NDE1: variants seen among roughly 807,000 people sequenced by gnomAD.
NDE1 encodes nuclear distribution protein nudE homolog 1.
In NDE1, 28 loss-of-function variants were observed where a neutral mutation model predicts 43.4. That is an observed-to-expected ratio of 0.65 (90% CI 0.48 to 0.89). NDE1 has a LOEUF of 0.89. NDE1 is among the 40% of genes least tolerant of loss of function. The pLI is 0.00. For synonymous variants in NDE1, 184 were observed against 172.0 expected (o/e 1.07, Z -0.55); for missense variants, 441 against 434.1 (o/e 1.02, Z -0.14).
At chr16:15,679,508 G>T (rs2038064797) in intron 4 of NDE1, among the ~76,000 whole-genome samples, 1 of 151,992 alleles carries the variant, frequency 6.6e-6, no homozygotes, top group Admixed American at 6.6e-5. Flanking sequence ...TCTCCAATCT[G>T]CCATTATAGC....
chr16:15,696,386 C>CAAA (rs5815840), intron 7 of NDE1, among the ~76,000 whole-genome samples: 1 of 145,776 alleles, frequency 6.9e-6, no homozygotes, highest in Non-Finnish European at 1.5e-5. Context: ...AAAAACAAAA[C>CAAA]AAAAAAAAAA....
chr16:15,671,965 G>A (rs2037617203), intron 3 of NDE1, among the ~76,000 whole-genome samples: 1 of 152,034 alleles, frequency 6.6e-6, no homozygotes, highest in Non-Finnish European at 1.5e-5. Context: ...TGGGATTACA[G>A]GTGTGAGCCA....
chr16:15,719,327 G>A, intron 8 of NDE1: 1 of 1,607,986 alleles, frequency 6.2e-7, no homozygotes, highest in South Asian at 1.1e-5. Flanking sequence ...GAGGGAGGAA[G>A]GCTGTTGTCT....
Position 15,725,006 on chromosome 16 carries a change from G to T in NDE1, c.*755G>T, listed in dbSNP as rs763714252. 43 of 1,611,902 alleles carry T rather than the reference G, an allele frequency of 2.7e-5. 1 individual carries two copies. In the South Asian group the frequency reaches 4.7e-4, roughly 18 times the overall value. On this transcript the variant is annotated 3_prime_UTR_variant, in exon 9 of 9. Transcript: ENST00000396354. ...CTCAACTTCATTCTAAGGGTGCCAAGAGACTGGTTAGTCAAAGCCTCTAGA... is the reference window on the plus strand; with the variant it reads ...CTCAACTTCATTCTAAGGGTGCCAATAGACTGGTTAGTCAAAGCCTCTAGA...
At chr16:15,720,937 G>A in intron 8 of NDE1, 1 of 1,613,994 alleles carries the variant, frequency 6.2e-7, no homozygotes, top group Non-Finnish European at 8.5e-7. Context: ...TTGACTTCCA[G>A]CCGCAGTTTG....
At chr16:15,693,915 G>A (rs952553126) in intron 6 of NDE1, among the ~76,000 whole-genome samples, 1 of 152,144 alleles carries the variant, frequency 6.6e-6, no homozygotes, top group African/African-American at 2.4e-5. Context: ...ACTCCAGTCC[G>A]GGTGACAGAG....
At chr16:15,653,399 T>G (rs547730709) in intron 1 of NDE1, among the ~76,000 whole-genome samples, 1 of 152,222 alleles carries the variant, frequency 6.6e-6, no homozygotes, top group Non-Finnish European at 1.5e-5. Context: ...ATGTCACTCC[T>G]GCAAAATGCA....
chr16:15,700,231 G>T, intron 8 of NDE1: 1 of 454,404 alleles, frequency 2.2e-6, no homozygotes, highest in Non-Finnish European at 2.9e-6. Context: ...CAGGTAGCTG[G>T]GATTACAGGC....
chr16:15,669,255 A>T (rs8063617), intron 3 of NDE1, among the ~76,000 whole-genome samples: 33,316 of 146,170 alleles, frequency 0.23, 4,136 homozygotes, highest in East Asian at 0.34. Context: ...GTGCAGTGGC[A>T]CAATCTCACC....
At chr16:15,714,410 C>T (rs1359571820) in intron 8 of NDE1, 2 of 190,058 alleles carry the variant, frequency 1.1e-5, no homozygotes, top group African/African-American at 4.7e-5. Context: ...ATGTAAGCAC[C>T]TGCTACTTTT....
At chr16:15,686,007 A>G (rs964277762) in intron 4 of NDE1, among the ~76,000 whole-genome samples, 5 of 149,864 alleles carry the variant, frequency 3.3e-5, no homozygotes, top group Admixed American at 6.7e-5. Context: ...GCTGGAGTGC[A>G]GTGGCATGAT....
At position 15,677,689 on chromosome 16, in the gene NDE1, T is replaced by C; in HGVS notation, c.238-112T>C. On this transcript the variant is annotated intron_variant, in intron 3 of 8. Coordinates refer to ENST00000396354, the MANE Select transcript of NDE1 (RefSeq NM_017668.3). Reference sequence around the variant, plus strand: ...GCCTCTAACTCCTGGGCTCAGGCAGTCCTCCCAGTTTAGCCTCCCGAGTAG... The same window carrying C: ...GCCTCTAACTCCTGGGCTCAGGCAGCCCTCCCAGTTTAGCCTCCCGAGTAG... 5.1e-6 allele frequency: 6 copies of C among 1,171,426 alleles called. No homozygotes were observed. The South Asian group carries it at 6.4e-5, about 12-fold the overall frequency. 72.6% of individuals were successfully genotyped at this position (1,171,426 alleles called of 1,614,324 possible). A position where few individuals can be genotyped will look rare whatever the true frequency, so the allele number is the denominator to read the frequency against.
At chr16:15,689,255 G>A (rs2038605447) in intron 5 of NDE1, among the ~76,000 whole-genome samples, 2 of 152,112 alleles carry the variant, frequency 1.3e-5, no homozygotes, top group African/African-American at 2.4e-5. Context: ...TTTGAGAGAC[G>A]GACGCAAGAG....
intron 8 of NDE1, chr16:15,703,807 G>T: frequency 1.3e-6 from 1 of 791,054 alleles, no homozygotes; most frequent in Non-Finnish European, 2.1e-6. Flanking sequence ...AGGCTGGAGG[G>T]TGGTGGTTTT....
In NDE1 at chr16:15,703,680, C is replaced by T; in HGVS notation, c.947+6820C>T. On this transcript the variant is annotated intron_variant, in intron 8 of 8. Transcript: ENST00000396354. The stretch of plus-strand genomic sequence containing the variant: ...TATAGCTCATTGCAGCCTCGAAGTC[C>T]TGGGCTGGAGCGTTCTTCCTGGCTC... The T allele has an allele frequency of 6.7e-6, 3 of 448,262 alleles. No individual in the cohort carries two copies. The East Asian group carries it at 1.2e-4, about 18-fold the overall frequency. The allele number at this position is 448,262 out of a possible 1,614,324, so 27.8% of individuals were successfully genotyped here.
At chr16:15,694,381 T>C in intron 7 of NDE1, 125 bp downstream of exon 7, 1 of 1,536,036 alleles carries the variant, frequency 6.5e-7, no homozygotes, top group Non-Finnish European at 8.7e-7. Flanking sequence ...GGTCTTGCTC[T>C]GTTGCTCAGG....
intron 1 of NDE1, 123 bp from the exon 2 acceptor site, chr16:15,664,613 C>T (rs1301665055): frequency 3.1e-6 from 2 of 651,486 alleles, no homozygotes; most frequent in African/African-American, 3.6e-5. Context: ...CCTCAGCCTC[C>T]CAAAGTGCTG....
At chr16:15,718,317 G>A in intron 8 of NDE1, 1 of 1,609,008 alleles carries the variant, frequency 6.2e-7, no homozygotes. Context: ...GCCCTCACCT[G>A]CTGTGTGGCT....
Position 15,717,318 on chromosome 16 carries a change from C to A in NDE1, c.948-6873C>A. ...TCATTCTTCTGGGCCGTGCTGCGCT[C>A]TGTGGCCAGCTCGTTGCTGAGCTGC... is the stretch of plus-strand genomic sequence containing the variant. On this transcript the variant is annotated intron_variant, in intron 8 of 8. Transcript: ENST00000396354. 6.2e-7 allele frequency: 1 copy of A among 1,610,778 alleles called. No homozygotes were observed. Among genetic ancestry groups the A allele is most frequent in the Non-Finnish European group, 8.5e-7 (1 of 1,180,024 alleles).
Sources: allele counts gnomAD v4.1 joint callset (sites outside exome capture counted in the v4.1 genomes callset), GRCh38; gene constraint gnomAD v4.1.1; transcripts MANE v1.5; gene names NCBI Gene and HGNC (gene_info 2026-07-23, HGNC 2026-07-21).